BTBD8: variants seen among roughly 807,000 people sequenced by gnomAD.
BTBD8 encodes BTB/POZ domain-containing protein 8.
A neutral mutation model predicts 162.9 loss-of-function variants in BTBD8; 110 were observed. The ratio of observed to expected loss-of-function variants is 0.68; its 90% CI spans 0.58 to 0.79. The LOEUF is 0.79. BTBD8 is among the 30% of genes least tolerant of loss of function. The probability of loss-of-function intolerance (pLI) is 0.00; values close to 1 mark genes in which losing one functional copy is unlikely to be tolerated. For synonymous variants in BTBD8, 667 were observed against 716.1 expected (o/e 0.93, Z 1.10); for missense variants, 1,905 against 2,085.4 (o/e 0.91, Z 1.68).
At chr1:92,146,252 G>T (rs765268248) in intron 7 of BTBD8, among the ~76,000 whole-genome samples, 1 of 151,974 alleles carries the variant, frequency 6.6e-6, no homozygotes, top group African/African-American at 2.4e-5. Flanking sequence ...ATTAAAAGTT[G>T]TTAGTGACAC....
chr1:92,146,747 A>G lies in BTBD8; in HGVS notation c.931-433A>G, dbSNP rs115079634. ...AGATTGGCTTCTTCCACTTAGTGAT[A>G]TGCATTTAAGATCCCCCCATGTCTT... On this transcript the variant is annotated intron_variant, in intron 7 of 17. Transcript: ENST00000636805. Among the ~76,000 whole-genome samples the G allele has an allele frequency of 1.8e-3, 269 of 152,230 alleles. 3 individuals are homozygous for G. The highest frequency in any genetic ancestry group is 5.9e-3 in the African/African-American group (245 of 41,542).
At chr1:92,138,189 A>G (rs573437391) in intron 5 of BTBD8, among the ~76,000 whole-genome samples, 1 of 152,280 alleles carries the variant, frequency 6.6e-6, no homozygotes, top group South Asian at 2.1e-4. Flanking sequence ...TATGTGCCCC[A>G]AGTGCTTTTG....
At chr1:92,130,770 C>T (rs1649498205) in intron 5 of BTBD8, among the ~76,000 whole-genome samples, 1 of 152,184 alleles carries the variant, frequency 6.6e-6, no homozygotes, top group Admixed American at 6.5e-5. Context: ...GGGATCTCAG[C>T]TCACTGCAAC....
intron 4 of BTBD8, among the ~76,000 whole-genome samples, chr1:92,119,287 C>CTTTTTT (rs905843721): frequency 7.5e-6 from 1 of 132,882 alleles, no homozygotes; most frequent in African/African-American, 2.8e-5. Context: ...TTCTTTTTTT[C>CTTTTTT]TTTTTTTTTT....
At chr1:92,147,627 C>A in intron 8 of BTBD8, 57 bp from the exon 9 acceptor site, 1 of 1,392,742 alleles carries the variant, frequency 7.2e-7, no homozygotes, top group Non-Finnish European at 1.0e-6. Context: ...AAAATATTGA[C>A]TATTATAATG....
At chr1:92,126,115 A>G (rs1348868023) in intron 4 of BTBD8, 2 of 489,316 alleles carry the variant, frequency 4.1e-6, no homozygotes, top group Non-Finnish European at 8.1e-6. Flanking sequence ...AAGTGAAAGC[A>G]TCTTACGGTA....
At chr1:92,172,148 C>T (rs1222353056) in intron 13 of BTBD8, among the ~76,000 whole-genome samples, 1 of 151,988 alleles carries the variant, frequency 6.6e-6, no homozygotes, top group Non-Finnish European at 1.5e-5. Context: ...TTGAAAAAAG[C>T]AATTAGTACT....
chr1:92,131,831 C>T lies in BTBD8; in HGVS notation c.752+2055C>T, dbSNP rs560576241. 2.6e-5 allele frequency among the ~76,000 whole-genome samples: 4 copies of T among 152,180 alleles called. No homozygotes were observed. The South Asian group carries it at 6.2e-4, about 24-fold the overall frequency. On this transcript the variant is annotated intron_variant, in intron 5 of 17. Transcript: ENST00000636805. ...TCAAGTGATCCTCCTGCCTCAGCCTCCCAAGTAGCTGGGACTATAGATGTG... is the reference window on the plus strand; with the variant it reads ...TCAAGTGATCCTCCTGCCTCAGCCTTCCAAGTAGCTGGGACTATAGATGTG...
At chr1:92,082,905 A>C (rs547743612) in intron 1 of BTBD8, among the ~76,000 whole-genome samples, 3 of 152,192 alleles carry the variant, frequency 2.0e-5, no homozygotes, top group Non-Finnish European at 2.9e-5. Flanking sequence ...CTGGGCTTAC[A>C]TGAAATGTTT....
rs763563058 is a variant in BTBD8 at position 92,102,716 on chromosome 1, A to G, written c.544+47A>G. The G allele has an allele frequency of 4.5e-6, 6 of 1,343,928 alleles. No homozygotes were observed. In the South Asian group the frequency reaches 1.3e-4, roughly 29 times the overall value. The allele number at this position is 1,343,928 out of a possible 1,614,324, so 83.3% of individuals were successfully genotyped here. A position where few individuals can be genotyped will look rare whatever the true frequency, so the allele number is the denominator to read the frequency against. On this transcript the variant is annotated intron_variant, in intron 3 of 17. Transcript: ENST00000636805. ...TGTATTTATAGCCGTAAAAATAATT[A>G]TATTCTGATACAGTTAGAGAAAAGC...
chr1:92,099,964 C>G (rs1648545380), intron 2 of BTBD8, among the ~76,000 whole-genome samples: 1 of 152,160 alleles, frequency 6.6e-6, no homozygotes, highest in Non-Finnish European at 1.5e-5. Flanking sequence ...CTTTCAGTTA[C>G]CATTAAAGTA....
At chr1:92,126,146 C>T in intron 4 of BTBD8, 1 of 498,166 alleles carries the variant, frequency 2.0e-6, no homozygotes, top group Non-Finnish European at 4.0e-6. Context: ...GGGAACCAGT[C>T]AAGTTTGAAG....
chr1:92,141,933 T>C (rs1649782537), intron 7 of BTBD8, among the ~76,000 whole-genome samples: 1 of 152,240 alleles, frequency 6.6e-6, no homozygotes, highest in African/African-American at 2.4e-5. Context: ...GAAGCAATAA[T>C]ATGCATTGTA....
intron 5 of BTBD8, among the ~76,000 whole-genome samples, chr1:92,138,416 G>A (rs1298055013): frequency 3.9e-5 from 6 of 152,302 alleles, no homozygotes; most frequent in Non-Finnish European, 7.4e-5. Flanking sequence ...TTAGATTTCC[G>A]ATTTTCAGAT....
chr1:92,091,522 G>T (rs1045317900), intron 2 of BTBD8, among the ~76,000 whole-genome samples: 2 of 151,654 alleles, frequency 1.3e-5, no homozygotes, highest in Non-Finnish European at 2.9e-5. Context: ...GCTGTGTTTC[G>T]TAGGCTGGTC....
At chr1:92,183,135 A>G (rs1650968357) in intron 17 of BTBD8, among the ~76,000 whole-genome samples, 1 of 152,158 alleles carries the variant, frequency 6.6e-6, no homozygotes, top group South Asian at 2.1e-4. Flanking sequence ...AAATTTCCTA[A>G]GAGATTATAT....
At chr1:92,106,347 G>A (rs1454984220) in intron 3 of BTBD8, among the ~76,000 whole-genome samples, 3 of 151,982 alleles carry the variant, frequency 2.0e-5, no homozygotes, top group Non-Finnish European at 4.4e-5. Context: ...TGACTATCAG[G>A]AGGCTAATAC....
chr1:92,136,279 T>G (rs1242031079), intron 5 of BTBD8, among the ~76,000 whole-genome samples: 1 of 152,066 alleles, frequency 6.6e-6, no homozygotes, highest in African/African-American at 2.4e-5. Flanking sequence ...GGCCATAGAA[T>G]CAAAGCAAAC....
chr1:92,130,808 T>C (rs1184646403), intron 5 of BTBD8, among the ~76,000 whole-genome samples: 2 of 152,150 alleles, frequency 1.3e-5, no homozygotes, highest in African/African-American at 4.8e-5. Context: ...GTTCAAGTGA[T>C]TTTCCTGCCT....
Sources: gnomAD v4.1 joint callset for allele counts (sites outside exome capture counted in the v4.1 genomes callset) on GRCh38, gnomAD v4.1.1 for gene constraint, MANE v1.5 for transcripts, NCBI Gene and HGNC (gene_info 2026-07-23, HGNC 2026-07-21) for gene names.